WWC2: variants seen among roughly 807,000 people sequenced by gnomAD.
WWC2 encodes protein WWC2.
Under a neutral mutation model 138.5 loss-of-function variants are expected in WWC2, and 101 were observed. That is an observed-to-expected ratio of 0.73 (90% CI 0.62 to 0.86). WWC2 has a LOEUF of 0.86. Ranked by LOEUF, WWC2 falls within the 40% of genes least tolerant of loss-of-function variation. WWC2 has a pLI of 0.00. For missense variants in WWC2, 1,420 were observed against 1,419.4 expected (o/e 1.00, Z -0.01); for synonymous variants, 558 against 538.4 (o/e 1.04, Z -0.50).
intron 1 of WWC2, among the ~76,000 whole-genome samples, chr4:183,184,819 T>G (rs1413858841): frequency 6.6e-6 from 1 of 152,236 alleles, no homozygotes. Flanking sequence ...ATTTTCAAAT[T>G]AGTTAAGTAT....
intron 4 of WWC2, among the ~76,000 whole-genome samples, chr4:183,236,057 C>G (rs55643182): frequency 0.025 from 3,763 of 152,230 alleles, 159 homozygotes; most frequent in African/African-American, 0.086. Context: ...GGTCTAGATT[C>G]ATTCTTCTGC....
chr4:183,240,110 T>C (rs1371149424), intron 4 of WWC2, 73 bp from the exon 5 acceptor site: 38 of 1,084,330 alleles, frequency 3.5e-5, no homozygotes, highest in Non-Finnish European at 5.0e-5. Context: ...ACTAATTTAT[T>C]ATCTTTTAAA....
chr4:183,272,954 C>T (rs962933963), intron 16 of WWC2, among the ~76,000 whole-genome samples: 14 of 152,086 alleles, frequency 9.2e-5, no homozygotes, highest in African/African-American at 3.4e-4. Context: ...TTCATTTCTC[C>T]TGGGTAGGTA....
At chr4:183,141,756 T>G (rs1283601399) in intron 1 of WWC2, among the ~76,000 whole-genome samples, 1 of 152,242 alleles carries the variant, frequency 6.6e-6, no homozygotes, top group Non-Finnish European at 1.5e-5. Context: ...TATACAGTTC[T>G]GATATCTTCA....
chr4:183,281,589 C>CATGTAAA (rs1249789345), intron 17 of WWC2, among the ~76,000 whole-genome samples: 7 of 152,064 alleles, frequency 4.6e-5, no homozygotes, highest in Admixed American at 3.9e-4. Context: ...ACTGTTAATA[C>CATGTAAA]ATGTGCATAT....
At chr4:183,273,393 C>T (rs1363501235) in intron 16 of WWC2, among the ~76,000 whole-genome samples, 2 of 152,196 alleles carry the variant, frequency 1.3e-5, no homozygotes, top group Admixed American at 6.5e-5. Context: ...CAACCTCTCC[C>T]TCCCAGGTTC....
At chr4:183,181,167 C>T (rs1734622075) in intron 1 of WWC2, among the ~76,000 whole-genome samples, 1 of 152,136 alleles carries the variant, frequency 6.6e-6, no homozygotes. Flanking sequence ...GTGGTGAGCT[C>T]AAGTTTTGGG....
chr4:183,280,754 C>A (rs369434854), intron 16 of WWC2, 22 bp from the exon 17 acceptor site: 9 of 1,588,828 alleles, frequency 5.7e-6, no homozygotes, highest in Middle Eastern at 1.7e-4. Context: ...ATGTTAATTG[C>A]CGTATGCTTT....
rs1201381584 is a variant in WWC2, at chr4:183,117,531, C to T, written c.131+17909C>T. On this transcript the variant is annotated intron_variant, in intron 1 of 22. Transcript: ENST00000403733. Reference sequence around the variant, plus strand: ...CCACTGTGCCCGGCCACGTTCTTTTCTATAGTGCTTTTTCATTAATTTAAA... The same window carrying T: ...CCACTGTGCCCGGCCACGTTCTTTTTTATAGTGCTTTTTCATTAATTTAAA... Among the ~76,000 whole-genome samples the T allele has an allele frequency of 3.3e-5, 5 of 150,792 alleles. No individual in the cohort carries two copies. In the East Asian group the frequency reaches 9.9e-4, roughly 30 times the overall value.
intron 16 of WWC2, among the ~76,000 whole-genome samples, chr4:183,276,969 TTTTTTATTATTA>T (rs1398368673): frequency 6.7e-6 from 1 of 150,130 alleles, no homozygotes; most frequent in Non-Finnish European, 1.5e-5. Flanking sequence ...GCATCATTTC[TTTTTTATTATTA>T]TTATTATTAT....
intron 2 of WWC2, among the ~76,000 whole-genome samples, chr4:183,202,265 G>C (rs1735322437): frequency 6.6e-6 from 1 of 152,064 alleles, no homozygotes; most frequent in Non-Finnish European, 1.5e-5. Context: ...AGGGATATGG[G>C]CTTTTGGACT....
At chr4:183,313,620 G>A (rs1739337307) in intron 22 of WWC2, among the ~76,000 whole-genome samples, 1 of 151,942 alleles carries the variant, frequency 6.6e-6, no homozygotes, top group Non-Finnish European at 1.5e-5. Context: ...ATTAAAAAAT[G>A]GGAGTGCTCA....
At chr4:183,136,011 C>A (rs1018135326) in intron 1 of WWC2, among the ~76,000 whole-genome samples, 15 of 151,788 alleles carry the variant, frequency 9.9e-5, no homozygotes, top group African/African-American at 3.6e-4. Flanking sequence ...GAGACCAGGT[C>A]TCACTCTGTT....
intron 1 of WWC2, among the ~76,000 whole-genome samples, chr4:183,112,739 A>G (rs1260486890): frequency 1.3e-5 from 2 of 152,154 alleles, no homozygotes; most frequent in African/African-American, 2.4e-5. Context: ...AAACAAGATG[A>G]AGTGATAATA....
chr4:183,291,515 CT>C, intron 21 of WWC2, among the ~76,000 whole-genome samples: 2 of 152,290 alleles, frequency 1.3e-5, no homozygotes, highest in South Asian at 4.1e-4. Context: ...CTTTGACCTA[CT>C]TTACTGTCAT....
chr4:183,277,271 A>T (rs1365626228), intron 16 of WWC2, among the ~76,000 whole-genome samples: 1 of 150,780 alleles, frequency 6.6e-6, no homozygotes, highest in African/African-American at 2.4e-5. Context: ...GAGAATGATG[A>T]TTTCCAATTT....
intron 1 of WWC2, among the ~76,000 whole-genome samples, chr4:183,157,942 C>G (rs1400314736): frequency 6.6e-6 from 1 of 152,128 alleles, no homozygotes; most frequent in Non-Finnish European, 1.5e-5. Context: ...AAGGGACTGC[C>G]TCCTAGAGTC....
At chr4:183,116,973 A>T (rs1217547391) in intron 1 of WWC2, among the ~76,000 whole-genome samples, 1 of 152,050 alleles carries the variant, frequency 6.6e-6, no homozygotes, top group Non-Finnish European at 1.5e-5. Flanking sequence ...AGAGGCTGAG[A>T]TCTATATGCT....
chr4:183,218,340 A>G (rs531703930), intron 4 of WWC2, among the ~76,000 whole-genome samples: 6 of 151,976 alleles, frequency 3.9e-5, no homozygotes, highest in Admixed American at 2.6e-4. Context: ...TAGGAAAGCT[A>G]TTACTTAAAA....
Sources: allele counts gnomAD v4.1 joint callset (sites outside exome capture counted in the v4.1 genomes callset), GRCh38; gene constraint gnomAD v4.1.1; transcripts MANE v1.5; gene names NCBI Gene and HGNC (gene_info 2026-07-23, HGNC 2026-07-21).